Variants in CSMD1 observed in about 807,000 individuals in gnomAD.
CSMD1 encodes the protein CUB and sushi domain-containing protein 1.
CSMD1 carries 213 observed loss-of-function variants against 417.5 expected under a neutral mutation model. That is an observed-to-expected ratio of 0.51 (90% CI 0.46 to 0.57). CSMD1 has a LOEUF of 0.57. Ranked by LOEUF, CSMD1 falls within the 20% of genes least tolerant of loss-of-function variation. The pLI, the probability that CSMD1 is intolerant of heterozygous loss-of-function variation, is 0.00. For synonymous variants in CSMD1, 2,862 were observed against 1,736.8 expected (o/e 1.65, Z -16.11); for missense variants, 6,923 against 4,529.7 (o/e 1.53, Z -15.17).
intron 1 of CSMD1, among the ~76,000 whole-genome samples, chr8:4,821,802 G>A (rs145470551): frequency 3.3e-5 from 5 of 152,186 alleles, no homozygotes; most frequent in South Asian, 2.1e-4. Context: ...AATTGGGTAC[G>A]TGTAACTAAA....
intron 1 of CSMD1, among the ~76,000 whole-genome samples, chr8:4,961,667 G>A (rs1435262151): frequency 6.6e-6 from 1 of 151,940 alleles, no homozygotes; most frequent in East Asian, 1.9e-4. Flanking sequence ...CCTACAAGTT[G>A]TATAGAGTAA....
chr8:3,686,950 T>C (rs1390521104), intron 7 of CSMD1, among the ~76,000 whole-genome samples: 1 of 152,214 alleles, frequency 6.6e-6, no homozygotes, highest in African/African-American at 2.4e-5. Context: ...GGGGGTGTCT[T>C]TTCCATATCC....
chr8:3,832,806 T>A (rs1802452379), intron 5 of CSMD1, among the ~76,000 whole-genome samples: 1 of 152,204 alleles, frequency 6.6e-6, no homozygotes, highest in Non-Finnish European at 1.5e-5. Flanking sequence ...ACCTTCGCCT[T>A]ATTAAAAATA....
chr8:3,513,136 T>TTA (rs1563110214), intron 10 of CSMD1, among the ~76,000 whole-genome samples: 3,674 of 152,022 alleles, frequency 0.024, 149 homozygotes, highest in African/African-American at 0.084. Flanking sequence ...TATTTTTTTT[T>TTA]ATATGCCTTT....
At chr8:3,642,399 G>C (rs1282922264) in intron 7 of CSMD1, among the ~76,000 whole-genome samples, 1 of 152,104 alleles carries the variant, frequency 6.6e-6, no homozygotes, top group Non-Finnish European at 1.5e-5. Flanking sequence ...ACTTTCCCAT[G>C]AGTTTATAAC....
At chr8:4,174,986 G>A (rs1251771714) in intron 3 of CSMD1, among the ~76,000 whole-genome samples, 1 of 151,172 alleles carries the variant, frequency 6.6e-6, no homozygotes, top group Non-Finnish European at 1.5e-5. Context: ...TGAGATACTT[G>A]CTGAATTGGA....
rs1016568302 is a variant in CSMD1, at chr8:4,347,047, C to G, written c.415+72906G>C. ...TCATTTTATTATTTCCTCTAATTAT[C>G]TAGACCAGAGACACCTTTGACCATT... On this transcript the variant is annotated intron_variant, in intron 3 of 69. Coordinates refer to ENST00000635120, the MANE Select transcript of CSMD1 (RefSeq NM_033225.6). Among the ~76,000 whole-genome samples the G allele has an allele frequency of 2.0e-5, 3 of 152,260 alleles. No homozygotes were observed. In the East Asian group the frequency reaches 5.8e-4, roughly 29 times the overall value.
intron 3 of CSMD1, among the ~76,000 whole-genome samples, chr8:4,196,301 G>C (rs944180366): frequency 2.6e-5 from 4 of 152,306 alleles, no homozygotes; most frequent in East Asian, 3.9e-4. Flanking sequence ...GCGCTCATTT[G>C]TTCTATCGCT....
At chr8:4,809,009 A>G (rs1204836621) in intron 1 of CSMD1, among the ~76,000 whole-genome samples, 4 of 152,202 alleles carry the variant, frequency 2.6e-5, no homozygotes, top group African/African-American at 9.6e-5. Context: ...TCTTGATCTT[A>G]TTGAGTTGTC....
chr8:3,103,244 C>G (rs1815886950), intron 46 of CSMD1, among the ~76,000 whole-genome samples: 1 of 152,150 alleles, frequency 6.6e-6, no homozygotes, highest in Non-Finnish European at 1.5e-5. Context: ...GGCCTTCTCC[C>G]TGTAACCAGT....
At chr8:3,730,563 G>T (rs1047826252) in intron 6 of CSMD1, among the ~76,000 whole-genome samples, 2 of 152,020 alleles carry the variant, frequency 1.3e-5, no homozygotes, top group East Asian at 3.9e-4. Flanking sequence ...TACCGCCAAT[G>T]AACAGCTTTG....
chr8:3,087,321 C>A (rs1451721343), intron 48 of CSMD1, 36 bp from the exon 49 acceptor site: 1 of 1,601,268 alleles, frequency 6.2e-7, no homozygotes, highest in African/African-American at 1.3e-5. Context: ...AATAAGTCAA[C>A]AAGCAAACAA....
intron 41 of CSMD1, among the ~76,000 whole-genome samples, chr8:3,120,243 T>C (rs1453742656): frequency 6.6e-6 from 1 of 152,080 alleles, no homozygotes; most frequent in Non-Finnish European, 1.5e-5. Context: ...TGATGCGGGA[T>C]TACTCAGGGA....
intron 3 of CSMD1, among the ~76,000 whole-genome samples, chr8:4,359,425 T>A (rs889750852): frequency 3.3e-5 from 5 of 152,242 alleles, no homozygotes; most frequent in African/African-American, 1.2e-4. Flanking sequence ...TTTGTTTTTC[T>A]TCCTATTTTC....
At chr8:4,828,432 T>C (rs17071619) in intron 1 of CSMD1, among the ~76,000 whole-genome samples, 8,982 of 152,200 alleles carry the variant, frequency 0.059, 357 homozygotes, top group African/African-American at 0.11. Context: ...GCAGGGGAGT[T>C]GACAGATAAT....
intron 3 of CSMD1, among the ~76,000 whole-genome samples, chr8:4,377,708 C>G (rs1305112747): frequency 6.6e-6 from 1 of 152,128 alleles, no homozygotes. Context: ...CTGTGGCATA[C>G]TTTTGATTTA....
chr8:4,473,538 C>G (rs941746046), intron 2 of CSMD1, among the ~76,000 whole-genome samples: 1 of 152,186 alleles, frequency 6.6e-6, no homozygotes, highest in African/African-American at 2.4e-5. Flanking sequence ...TAGGCTATGC[C>G]TTTTTCTTGT....
At chr8:4,445,886 GGA>G (rs544524037) in intron 2 of CSMD1, among the ~76,000 whole-genome samples, 67 of 152,318 alleles carry the variant, frequency 4.4e-4, no homozygotes, top group African/African-American at 1.6e-3. Flanking sequence ...GGGCACAAGA[GGA>G]GAGAGCACGG....
intron 10 of CSMD1, among the ~76,000 whole-genome samples, chr8:3,565,526 C>A (rs747168439): frequency 6.6e-6 from 1 of 152,184 alleles, no homozygotes; most frequent in Non-Finnish European, 1.5e-5. Context: ...CCAATATATA[C>A]AACATAGGTT....
Sources: gnomAD v4.1 joint callset for allele counts (sites outside exome capture counted in the v4.1 genomes callset) on GRCh38, gnomAD v4.1.1 for gene constraint, MANE v1.5 for transcripts, NCBI Gene and HGNC (gene_info 2026-07-23, HGNC 2026-07-21) for gene names.